The following LAMA3 variants were observed in gnomAD, a reference collection of about 807,000 sequenced individuals.
LAMA3 encodes the protein laminin subunit alpha 3, also known as laminin subunit alpha-3.
In LAMA3, 281 loss-of-function variants were observed where a neutral mutation model predicts 402.0. The ratio of observed to expected loss-of-function variants is 0.70; its 90% CI spans 0.63 to 0.77. The LOEUF is 0.77. Ranked by LOEUF, LAMA3 falls within the 30% of genes least tolerant of loss-of-function variation. The probability of loss-of-function intolerance (pLI) is 0.00; values close to 1 mark genes in which losing one functional copy is unlikely to be tolerated. For missense variants in LAMA3, 3,840 were observed against 4,215.5 expected (o/e 0.91, Z 2.47); for synonymous variants, 1,431 against 1,558.4 (o/e 0.92, Z 1.93).
At chr18:23,899,660 T>G in intron 47 of LAMA3, 1 of 526,750 alleles carries the variant, frequency 1.9e-6, no homozygotes, top group Non-Finnish European at 3.4e-6. Context: ...CAGCTTACCA[T>G]CATGCAAAGA....
intron 19 of LAMA3, among the ~76,000 whole-genome samples, chr18:23,821,827 G>A (rs992083880): frequency 6.6e-6 from 1 of 152,188 alleles, no homozygotes; most frequent in Non-Finnish European, 1.5e-5. Flanking sequence ...ATGTGAAGCG[G>A]ACTCTGAAGC....
At chr18:23,954,427 T>G in intron 74 of LAMA3, 76 bp from the exon 75 acceptor site, 2 of 1,023,630 alleles carry the variant, frequency 2.0e-6, no homozygotes, top group Non-Finnish European at 3.0e-6. Flanking sequence ...AAAAAAATAC[T>G]ATCTTTTAAA....
chr18:23,864,871 T>G lies in LAMA3; in HGVS notation c.4671T>G (p.Asp1557Glu). Residue 1557 changes from aspartate to glutamate, a missense_variant, in exon 36 of 75, where the codon GAT becomes GAG. Transcript: ENST00000313654. Reference sequence around the variant, plus strand: ...TGGTTCTTCTGGAAAAGAAGCCGGATGTACAGCTCACTGTAGGTATCAGAG... The same window carrying G: ...TGGTTCTTCTGGAAAAGAAGCCGGAGGTACAGCTCACTGTAGGTATCAGAG... ...GDMVLLEKKP[D>E]VQLTGQHMSI... 6.2e-7 allele frequency: 1 copy of G among 1,611,678 alleles called. No individual in the cohort carries two copies. The highest frequency in any genetic ancestry group is 1.1e-5 in the South Asian group (1 of 91,026).
At chr18:23,763,092 T>C (rs2062004777) in intron 7 of LAMA3, among the ~76,000 whole-genome samples, 1 of 152,002 alleles carries the variant, frequency 6.6e-6, no homozygotes, top group Admixed American at 6.6e-5. Flanking sequence ...CCTGAACTCA[T>C]TGTGATCCAT....
intron 2 of LAMA3, among the ~76,000 whole-genome samples, chr18:23,730,368 C>CTT (rs11362144): frequency 2.4e-4 from 28 of 118,650 alleles, no homozygotes; most frequent in African/African-American, 3.8e-4. Flanking sequence ...CTTTTTCTTT[C>CTT]TTTTTTTTTT....
chr18:23,889,706 A>AAGGAAGGAAGAAAGGG (rs2080583214), intron 41 of LAMA3, among the ~76,000 whole-genome samples: 1 of 41,194 alleles, frequency 2.4e-5, no homozygotes, highest in Non-Finnish European at 8.8e-5. Context: ...GGGAGGGAGG[A>AAGGAAGGAAGAAAGGG]AGGGAGGAAG....
intron 2 of LAMA3, among the ~76,000 whole-genome samples, chr18:23,718,528 CCCAACATCAAGCCCTGAAAAGGACT>C (rs1239405572): frequency 6.6e-6 from 1 of 152,156 alleles, no homozygotes; most frequent in Non-Finnish European, 1.5e-5. Context: ...ATCCCTCACC[CCCAACATCAAGCCCTGAAAAGGACT>C]GAGTGTTGGC....
intron 52 of LAMA3, among the ~76,000 whole-genome samples, chr18:23,905,869 A>G (rs1477562794): frequency 1.3e-5 from 2 of 152,088 alleles, no homozygotes; most frequent in Non-Finnish European, 2.9e-5. Context: ...GGCTTAAGCT[A>G]TCCTCCCACT....
intron 2 of LAMA3, among the ~76,000 whole-genome samples, chr18:23,717,059 G>A (rs1465219730): frequency 6.6e-6 from 1 of 152,132 alleles, no homozygotes; most frequent in Non-Finnish European, 1.5e-5. Flanking sequence ...CTATAATACT[G>A]TAGAAAATAT....
At chr18:23,927,594 T>A (rs2082042517) in intron 62 of LAMA3, among the ~76,000 whole-genome samples, 1 of 152,146 alleles carries the variant, frequency 6.6e-6, no homozygotes, top group Non-Finnish European at 1.5e-5. Context: ...TCAAGCTACG[T>A]TTTTCATAAT....
intron 2 of LAMA3, among the ~76,000 whole-genome samples, chr18:23,721,632 C>G (rs1402661925): frequency 1.3e-5 from 2 of 152,160 alleles, no homozygotes; most frequent in Non-Finnish European, 2.9e-5. Flanking sequence ...CCATATCCCT[C>G]CACTTCCCTC....
At chr18:23,824,210 G>A (rs2063338400) in intron 20 of LAMA3, among the ~76,000 whole-genome samples, 1 of 147,684 alleles carries the variant, frequency 6.8e-6, no homozygotes, top group Admixed American at 6.7e-5. Flanking sequence ...AGTGTAGATA[G>A]CCATTGCTGA....
chr18:23,718,198 G>T (rs535547508), intron 2 of LAMA3, among the ~76,000 whole-genome samples: 1 of 152,096 alleles, frequency 6.6e-6, no homozygotes, highest in Admixed American at 6.5e-5. Context: ...AGATCGGAAG[G>T]TGTAGTGGTG....
rs989382762 is a variant in LAMA3, at chr18:23,689,908, G to A, written c.225G>A (p.Arg75=). The A allele has an allele frequency of 1.1e-5, 17 of 1,534,442 alleles. No individual in the cohort carries two copies. The Middle Eastern group carries it at 6.7e-4, about 61-fold the overall frequency. The part of the protein sequence containing the change: ...TCGERGPGEG[R]PQPELYCKLV... ...GGGAGAGGGGACCCGGCGAGGGGAG[G>A]CCCCAGCCCGAGCTCTACTGCAAGT... The change falls in exon 1 of 75, where the codon AGG becomes AGA. Residue 75 remains arginine (R), a synonymous_variant. Coordinates refer to ENST00000313654, the MANE Select transcript of LAMA3 (RefSeq NM_198129.4).
At chr18:23,796,893 A>G (rs918433944) in intron 12 of LAMA3, among the ~76,000 whole-genome samples, 1 of 151,996 alleles carries the variant, frequency 6.6e-6, no homozygotes, top group Admixed American at 6.6e-5. Flanking sequence ...AGGTCTACCA[A>G]ACTCTTCTGA....
At chr18:23,788,396 A>G (rs1477095690) in intron 12 of LAMA3, among the ~76,000 whole-genome samples, 5 of 151,928 alleles carry the variant, frequency 3.3e-5, no homozygotes, top group Admixed American at 3.3e-4. Context: ...AGCAACCACT[A>G]ACATAGTAAC....
intron 30 of LAMA3, 134 bp from the exon 31 acceptor site, chr18:23,846,163 A>G (rs1328770869): frequency 8.7e-6 from 8 of 923,836 alleles, no homozygotes; most frequent in African/African-American, 3.3e-5. Flanking sequence ...GGTATTTCCC[A>G]CTCTTCCCTG....
chr18:23,842,649 T>C lies in LAMA3; in HGVS notation c.3502T>C (p.Cys1168Arg), dbSNP rs1293599943. Residue 1168 changes from cysteine to arginine, a missense_variant, in exon 29 of 75, where the codon TGC becomes CGC. By Grantham distance (180) the Cys-to-Arg change is radical. Transcript: ENST00000313654. ...CTCTTTTTGCCCCCATGTGCTTGGC[T>C]GCCGGGATCAAGTGATTGCCGAAGG... The part of the protein sequence containing the change: ...HASFCPHVLG[C>R]RDQVIAEGQI... 1.9e-6 allele frequency: 3 copies of C among 1,614,226 alleles called. No individual in the cohort carries two copies. The highest frequency in any genetic ancestry group is 2.5e-6 in the Non-Finnish European group (3 of 1,180,048).
chr18:23,948,443 G>A (rs956619984), intron 70 of LAMA3, among the ~76,000 whole-genome samples: 2 of 152,122 alleles, frequency 1.3e-5, no homozygotes, highest in Non-Finnish European at 2.9e-5. Flanking sequence ...CCTAGCTTTA[G>A]GACACAGCTT....
Sources: gnomAD v4.1 joint callset for allele counts (sites outside exome capture counted in the v4.1 genomes callset) on GRCh38, gnomAD v4.1.1 for gene constraint, MANE v1.5 for transcripts, NCBI Gene and HGNC (gene_info 2026-07-23, HGNC 2026-07-21) for gene names.